Variants in CDH13 observed in about 807,000 individuals in gnomAD.
CDH13 encodes the protein cadherin 13.
CDH13 carries 24 observed loss-of-function variants against 63.8 expected under a neutral mutation model. The observed-to-expected ratio is 0.38, with a 90% CI of 0.27 to 0.53. The LOEUF (loss-of-function observed/expected upper bound fraction) is 0.53, where lower values mean the gene tolerates loss of function less well. Ranked by LOEUF, CDH13 falls within the 20% of genes least tolerant of loss-of-function variation. The pLI is 0.85. For synonymous variants in CDH13, 503 were observed against 355.3 expected (o/e 1.42, Z -4.67); for missense variants, 1,049 against 903.1 (o/e 1.16, Z -2.07).
At chr16:83,571,636 T>C (rs573937145) in intron 7 of CDH13, among the ~76,000 whole-genome samples, 1 of 152,302 alleles carries the variant, frequency 6.6e-6, no homozygotes, top group Admixed American at 6.5e-5. Context: ...CGCTGGCATG[T>C]GCCTTGAGAA....
chr16:82,821,118 T>C lies in CDH13; in HGVS notation c.46-37244T>C, dbSNP rs550925463. 2.0e-5 allele frequency among the ~76,000 whole-genome samples: 3 copies of C among 152,344 alleles called. No individual in the cohort carries two copies. In the South Asian group the frequency reaches 6.2e-4, roughly 32 times the overall value. On this transcript the variant is annotated intron_variant, in intron 1 of 13. Transcript: ENST00000567109. Reference sequence around the variant, plus strand: ...TGCAAACTGATGACTACTTAATCCTTGAACTTCAGCAGCAACAACATTAGC... The same window carrying C: ...TGCAAACTGATGACTACTTAATCCTCGAACTTCAGCAGCAACAACATTAGC...
chr16:83,128,509 T>A (rs145855122), intron 4 of CDH13, among the ~76,000 whole-genome samples: 15 of 152,360 alleles, frequency 9.8e-5, no homozygotes, highest in African/African-American at 3.1e-4. Flanking sequence ...ATACTTTCAG[T>A]TGCAATTCCA....
At chr16:83,116,400 C>T (rs1211217983) in intron 3 of CDH13, among the ~76,000 whole-genome samples, 11 of 152,132 alleles carry the variant, frequency 7.2e-5, no homozygotes, top group Non-Finnish European at 8.8e-5. Flanking sequence ...AGCAGGGATA[C>T]GGGCAGGGAT....
chr16:82,978,984 T>C (rs1909900084), intron 2 of CDH13, among the ~76,000 whole-genome samples: 1 of 152,176 alleles, frequency 6.6e-6, no homozygotes, highest in Admixed American at 6.5e-5. Context: ...GGGGTGGAGC[T>C]GCCCAAGATC....
At chr16:82,765,464 A>G (rs958362296) in intron 1 of CDH13, among the ~76,000 whole-genome samples, 2 of 152,158 alleles carry the variant, frequency 1.3e-5, no homozygotes, top group African/African-American at 2.4e-5. Context: ...CATAGACTGC[A>G]TTGTTTCCAA....
chr16:83,103,243 C>CTTTTTTT (rs35812420), intron 3 of CDH13, among the ~76,000 whole-genome samples: 55 of 91,212 alleles, frequency 6.0e-4, no homozygotes, highest in African/African-American at 2.2e-3. Context: ...GTTAACTGAA[C>CTTTTTTT]TTTTTTTTTT....
At chr16:83,167,729 C>T (rs866589858) in intron 4 of CDH13, among the ~76,000 whole-genome samples, 5 of 151,470 alleles carry the variant, frequency 3.3e-5, no homozygotes, top group African/African-American at 1.2e-4. Context: ...AATTATTCTC[C>T]CTCCTTCTGG....
In CDH13 at chr16:83,502,349, T is replaced by C. The variant is rs531293103; in HGVS notation, c.960+15694T>C. 2.0e-4 allele frequency among the ~76,000 whole-genome samples: 30 copies of C among 151,924 alleles called. 1 individual carries two copies. The South Asian group carries it at 6.2e-3, about 32-fold the overall frequency. On this transcript the variant is annotated intron_variant, in intron 7 of 13. Transcript: ENST00000567109. ...TTGAAGATGGAGCAAGGGCCCACCA[T>C]GCAAGGGCTGTGGACAGAGCTTCTG...
chr16:83,278,021 T>C (rs2089046332), intron 5 of CDH13, among the ~76,000 whole-genome samples: 1 of 152,194 alleles, frequency 6.6e-6, no homozygotes, highest in African/African-American at 2.4e-5. Flanking sequence ...TTTCTATTGA[T>C]AAAAGGTCTC....
intron 2 of CDH13, among the ~76,000 whole-genome samples, chr16:82,903,522 C>T (rs1384612370): frequency 6.6e-6 from 1 of 152,194 alleles, no homozygotes; most frequent in African/African-American, 2.4e-5. Flanking sequence ...TGGCCACCCA[C>T]CCTGCCATTA....
chr16:83,784,833 CAG>C (rs1478941398), intron 13 of CDH13, among the ~76,000 whole-genome samples: 1 of 152,150 alleles, frequency 6.6e-6, no homozygotes, highest in Admixed American at 6.5e-5. Context: ...CAAAGCCCAA[CAG>C]AGTCTAAGGG....
intron 2 of CDH13, among the ~76,000 whole-genome samples, chr16:82,990,826 C>T (rs1911572165): frequency 1.3e-5 from 2 of 152,154 alleles, no homozygotes; most frequent in Admixed American, 1.3e-4. Flanking sequence ...CAGGTGTGAG[C>T]CACTGTGCCC....
intron 4 of CDH13, among the ~76,000 whole-genome samples, chr16:83,139,708 A>G (rs561914358): frequency 3.9e-5 from 6 of 152,302 alleles, no homozygotes; most frequent in African/African-American, 1.4e-4. Flanking sequence ...AAAAATAATA[A>G]TATAAAAATA....
chr16:83,733,086 G>T lies in CDH13; in HGVS notation c.1539-15022G>T, dbSNP rs936110047. Among the ~76,000 whole-genome samples the T allele has an allele frequency of 3.9e-5, 6 of 152,306 alleles. 1 individual carries two copies. The highest frequency in any genetic ancestry group is 3.9e-4 in the Admixed American group (6 of 15,302). The stretch of plus-strand genomic sequence containing the variant: ...CAGGAAGCTCCCCACCTTGATCACT[G>T]CAAACTCCCCAGTCCCTAACAGAAT... On this transcript the variant is annotated intron_variant, in intron 10 of 13. Coordinates refer to ENST00000567109, the MANE Select transcript of CDH13 (RefSeq NM_001257.5).
chr16:82,711,963 C>G (rs762934622), intron 1 of CDH13, among the ~76,000 whole-genome samples: 1 of 152,186 alleles, frequency 6.6e-6, no homozygotes, highest in African/African-American at 2.4e-5. Context: ...GCAGTCAATG[C>G]TGGTTTTGAG....
chr16:83,538,721 A>G (rs1240224662), intron 7 of CDH13, among the ~76,000 whole-genome samples: 1 of 152,192 alleles, frequency 6.6e-6, no homozygotes, highest in African/African-American at 2.4e-5. Flanking sequence ...AGCAGAAGAG[A>G]CAAGGTTGGA....
intron 3 of CDH13, among the ~76,000 whole-genome samples, chr16:83,077,665 A>G (rs1266860656): frequency 6.6e-6 from 1 of 152,232 alleles, no homozygotes; most frequent in Admixed American, 6.5e-5. Context: ...TAAAATTGCT[A>G]TAAAAACGTT....
intron 10 of CDH13, among the ~76,000 whole-genome samples, chr16:83,680,013 T>C (rs1237890069): frequency 6.6e-6 from 1 of 152,108 alleles, no homozygotes; most frequent in Non-Finnish European, 1.5e-5. Context: ...CAGGCTGGGT[T>C]GTTTGATTAA....
chr16:83,743,832 GGGC>G (rs1567566721), intron 10 of CDH13, among the ~76,000 whole-genome samples: 1 of 124,142 alleles, frequency 8.1e-6, no homozygotes, highest in East Asian at 2.6e-4. Flanking sequence ...AACCTTTACC[GGGC>G]ACCGTCTGCG....
Sources: gnomAD v4.1 joint callset for allele counts (sites outside exome capture counted in the v4.1 genomes callset) on GRCh38, gnomAD v4.1.1 for gene constraint, MANE v1.5 for transcripts, NCBI Gene and HGNC (gene_info 2026-07-23, HGNC 2026-07-21) for gene names.